ITCH: variants seen among roughly 807,000 people sequenced by gnomAD.
ITCH encodes itchy E3 ubiquitin protein ligase, also known as E3 ubiquitin-protein ligase Itchy homolog.
ITCH carries 28 observed loss-of-function variants against 126.8 expected under a neutral mutation model. The observed-to-expected ratio is 0.22, with a 90% CI of 0.16 to 0.30. The LOEUF (loss-of-function observed/expected upper bound fraction) is 0.30. Among genes scored for constraint, ITCH ranks in the 10% least tolerant of loss-of-function variants. The pLI, the probability that ITCH is intolerant of heterozygous loss-of-function variation, is 1.00. For missense variants in ITCH, 631 were observed against 1,032.4 expected, an observed-to-expected ratio of 0.61 and a Z score of 5.33; for synonymous variants, 342 against 340.0, an observed-to-expected ratio of 1.01 and a Z score of -0.06.
At chr20:34,413,649 G>T (rs1979382345) in intron 5 of ITCH, 93 bp from the exon 6 acceptor site, 1 of 1,162,594 alleles carries the variant, frequency 8.6e-7, no homozygotes, top group Non-Finnish European at 1.2e-6. Context: ...TATTTTCTCG[G>T]ACATCACATT....
At chr20:34,438,727 T>G (rs1983361132) in intron 8 of ITCH, 96 bp downstream of exon 8, 1 of 1,430,250 alleles carries the variant, frequency 7.0e-7, no homozygotes, top group Non-Finnish European at 9.9e-7. Context: ...GTGAATTTTC[T>G]GCGTGTATTT....
At chr20:34,504,171 A>G (rs79325824) in intron 23 of ITCH, among the ~76,000 whole-genome samples, 160 bp from the exon 24 acceptor site, 1,580 of 152,106 alleles carry the variant, frequency 0.01, 32 homozygotes, top group African/African-American at 0.037. Flanking sequence ...ATGAGCCACC[A>G]CACCTAACCC....
intron 23 of ITCH, among the ~76,000 whole-genome samples, chr20:34,496,230 G>A (rs1378107172): frequency 6.6e-6 from 1 of 152,278 alleles, no homozygotes; most frequent in East Asian, 1.9e-4. Flanking sequence ...GCATCTCCCT[G>A]ATGATTAGTT....
chr20:34,409,331 C>A (rs981300398), intron 4 of ITCH, among the ~76,000 whole-genome samples: 4 of 151,812 alleles, frequency 2.6e-5, no homozygotes, highest in Admixed American at 2.6e-4. Flanking sequence ...TAGCTGGGAC[C>A]ACAGGCATGC....
chr20:34,387,532 G>A (rs998647781), intron 2 of ITCH, among the ~76,000 whole-genome samples: 9 of 151,362 alleles, frequency 5.9e-5, no homozygotes, highest in South Asian at 4.2e-4. Flanking sequence ...TCAGGAGGCT[G>A]AAGCAGGAGG....
chr20:34,391,531 T>G (rs2038490549), intron 2 of ITCH, among the ~76,000 whole-genome samples: 1 of 152,244 alleles, frequency 6.6e-6, no homozygotes. Flanking sequence ...TAATCTGTTC[T>G]GTGGTATGAA....
chr20:34,460,640 A>G (rs745757710), intron 13 of ITCH, among the ~76,000 whole-genome samples: 2 of 152,152 alleles, frequency 1.3e-5, no homozygotes, highest in Non-Finnish European at 2.9e-5. Flanking sequence ...CCTAAAGTTT[A>G]GAGAGATTAA....
chr20:34,496,697 G>A (rs1685658380), intron 23 of ITCH, among the ~76,000 whole-genome samples: 1 of 151,416 alleles, frequency 6.6e-6, no homozygotes, highest in African/African-American at 2.4e-5. Context: ...CAACTACTCA[G>A]GAGGCTGAGG....
At chr20:34,415,908 G>T (rs6120639) in intron 6 of ITCH, among the ~76,000 whole-genome samples, 1 of 149,376 alleles carries the variant, frequency 6.7e-6, no homozygotes, top group Non-Finnish European at 1.5e-5. Context: ...CTGATCACGA[G>T]GTCAGGAGTT....
intron 12 of ITCH, among the ~76,000 whole-genome samples, chr20:34,455,253 C>G (rs536916102): frequency 6.6e-6 from 1 of 152,196 alleles, no homozygotes. Flanking sequence ...AGTTTCAGTT[C>G]ATTCTATGAT....
chr20:34,483,456 A>G (rs975319360), intron 20 of ITCH, among the ~76,000 whole-genome samples: 2 of 152,170 alleles, frequency 1.3e-5, no homozygotes, highest in African/African-American at 4.8e-5. Flanking sequence ...TCTCTCAAGT[A>G]CAATCGTCTC....
chr20:34,426,185 A>T (rs764994658), intron 7 of ITCH, among the ~76,000 whole-genome samples: 4 of 152,264 alleles, frequency 2.6e-5, no homozygotes, highest in Non-Finnish European at 4.4e-5. Context: ...CTCAAATTGC[A>T]TAAGCAGTGA....
intron 6 of ITCH, chr20:34,417,114 T>TA (rs759164201): frequency 1.5e-6 from 1 of 654,316 alleles, no homozygotes; most frequent in South Asian, 1.5e-5. Context: ...TTTTTTTTTT[T>TA]AGATGGGGTT....
intron 2 of ITCH, among the ~76,000 whole-genome samples, chr20:34,372,574 G>T (rs1450536723): frequency 5.9e-5 from 9 of 151,460 alleles, no homozygotes; most frequent in Admixed American, 4.6e-4. Flanking sequence ...TAGAGATGGG[G>T]TTTCACCGTG....
At chr20:34,433,632 G>A (rs1363342190) in intron 7 of ITCH, among the ~76,000 whole-genome samples, 2 of 150,316 alleles carry the variant, frequency 1.3e-5, no homozygotes, top group African/African-American at 4.9e-5. Flanking sequence ...ACTCCAGCCT[G>A]GGCAACAGAG....
chr20:34,500,962 G>A (rs1361050097), intron 23 of ITCH, among the ~76,000 whole-genome samples: 1 of 152,192 alleles, frequency 6.6e-6, no homozygotes, highest in Non-Finnish European at 1.5e-5. Flanking sequence ...ATTTCCCCAT[G>A]TCTGGGAAAT....
intron 2 of ITCH, among the ~76,000 whole-genome samples, chr20:34,371,657 A>T (rs183573480): frequency 5.3e-5 from 8 of 152,338 alleles, no homozygotes; most frequent in African/African-American, 1.9e-4. Flanking sequence ...AAAGCAATTT[A>T]AAAAATATTT....
intron 13 of ITCH, among the ~76,000 whole-genome samples, chr20:34,460,260 C>T (rs1986384847): frequency 6.6e-6 from 1 of 151,610 alleles, no homozygotes; most frequent in African/African-American, 2.4e-5. Flanking sequence ...ATGATCATGG[C>T]TTGCTGCAGC....
chr20:34,417,998 G>C (rs974896265), intron 6 of ITCH, among the ~76,000 whole-genome samples: 1 of 144,010 alleles, frequency 6.9e-6, no homozygotes, highest in African/African-American at 2.6e-5. Flanking sequence ...ACAGGGTATC[G>C]TTCATTTGCC....
Sources: allele counts gnomAD v4.1 joint callset (sites outside exome capture counted in the v4.1 genomes callset), GRCh38; gene constraint gnomAD v4.1.1; transcripts MANE v1.5; gene names NCBI Gene and HGNC (gene_info 2026-07-23, HGNC 2026-07-21).